Variants in TSPAN3 observed in about 807,000 individuals in gnomAD.
TSPAN3 encodes the protein tetraspanin-3.
In TSPAN3, 9 loss-of-function variants were observed where a neutral mutation model predicts 31.1. The observed-to-expected ratio is 0.29, with a 90% CI of 0.17 to 0.50. TSPAN3 has a LOEUF of 0.50. Ranked by LOEUF, TSPAN3 falls within the 20% of genes least tolerant of loss-of-function variation. The pLI, the probability that TSPAN3 is intolerant of heterozygous loss-of-function variation, is 0.98. For missense variants in TSPAN3, 252 were observed against 313.5 expected, an observed-to-expected ratio of 0.80 and a Z score of 1.48; for synonymous variants, 129 against 114.3, an observed-to-expected ratio of 1.13 and a Z score of -0.82.
chr15:77,054,492 CA>C, intron 3 of TSPAN3: 1 of 358,378 alleles, frequency 2.8e-6, no homozygotes, highest in Non-Finnish European at 5.2e-6. Context: ...AGACATATAC[CA>C]CATACATTCA....
At chr15:77,062,091 T>C (rs1363931605) in intron 1 of TSPAN3, among the ~76,000 whole-genome samples, 3 of 152,230 alleles carry the variant, frequency 2.0e-5, no homozygotes, top group African/African-American at 7.2e-5. Flanking sequence ...ATCCATCTTA[T>C]GCATATATCT....
At position 77,056,093 on chromosome 15, in the gene TSPAN3, T is replaced by C. The variant is rs1417787385; in HGVS notation, c.226A>G (p.Ile76Val). The change falls in exon 2 of 7, where the codon ATC becomes GTC. Residue 76 changes from isoleucine (I) to valine (V), a missense_variant. Transcript: ENST00000267970. ...GCAAGTCCACAGCGACTTTCCCGGA[T>C]TGTGGCACAGCAGCCAATTAGCCCA... is the stretch of plus-strand genomic sequence containing the variant. ...IIGLIGCCATIRESRCGLATF... is the reference protein window; with the variant it reads ...IIGLIGCCATVRESRCGLATF... 1.9e-6 allele frequency: 3 copies of C among 1,611,064 alleles called. No homozygotes were observed. Among genetic ancestry groups the C allele is most frequent in the Non-Finnish European group, 2.5e-6 (3 of 1,178,972 alleles).
intron 1 of TSPAN3, among the ~76,000 whole-genome samples, chr15:77,058,313 C>A (rs1051585051): frequency 1.3e-5 from 2 of 152,174 alleles, no homozygotes; most frequent in Non-Finnish European, 2.9e-5. Flanking sequence ...GATCTCATTA[C>A]CCCTTGTGAA....
intron 1 of TSPAN3, among the ~76,000 whole-genome samples, chr15:77,056,647 CAG>C (rs899659273): frequency 6.6e-6 from 1 of 152,030 alleles, no homozygotes; most frequent in African/African-American, 2.4e-5. Context: ...GTAGAAATGA[CAG>C]AGCTTGGATT....
At chr15:77,055,696 A>G in intron 3 of TSPAN3, 93 bp downstream of exon 3, 1 of 1,004,854 alleles carries the variant, frequency 1.0e-6, no homozygotes, top group Non-Finnish European at 1.5e-6. Flanking sequence ...GCAAAAGAAA[A>G]TGTTTACTCT....
At chr15:77,051,794 G>A (rs2076732919) in intron 6 of TSPAN3, among the ~76,000 whole-genome samples, 1 of 152,100 alleles carries the variant, frequency 6.6e-6, no homozygotes. Context: ...GGAGTTCAAA[G>A]TTACAGTGAG....
In TSPAN3 at chr15:77,052,437, T is replaced by C. The variant is rs2076738293; in HGVS notation, c.617A>G (p.Gln206Arg). 1 of 1,614,174 alleles carries C rather than the reference T, an allele frequency of 6.2e-7. No individual in the cohort carries two copies. Among genetic ancestry groups the C allele is most frequent in the Non-Finnish European group, 8.5e-7 (1 of 1,180,006 alleles). The part of the protein sequence containing the change: ...GCEALVVKKL[Q>R]EIMMHVIWAA... ...CCAGATCACATGCATCATGATTTCT[T>C]GTAGCTTCTTCACTACTAGAGCCTC... is the stretch of plus-strand genomic sequence containing the variant. The change falls in exon 6 of 7, where the codon CAA becomes CGA. Residue 206 changes from glutamine (Q) to arginine (R), a missense_variant. Physicochemically the swap from Gln to Arg is conservative, Grantham distance 43. Coordinates refer to ENST00000267970, the MANE Select transcript of TSPAN3 (RefSeq NM_005724.6).
In TSPAN3 at chr15:77,046,870, A is replaced by C. The variant is rs761757109; in HGVS notation, c.727T>G (p.Tyr243Asp). ...VLCRRSRDPA[Y>D]ELLITGGTYA Reference sequence around the variant, plus strand: ...GTTCCGCCAGTGATGAGGAGCTCGTAAGCAGGATCTCTACTCCTTCTGCAC... The same window carrying C: ...GTTCCGCCAGTGATGAGGAGCTCGTCAGCAGGATCTCTACTCCTTCTGCAC... The change falls in exon 7 of 7, where the codon TAC becomes GAC. Residue 243 changes from tyrosine (Y) to aspartate (D), a missense_variant. Coordinates refer to ENST00000267970, the MANE Select transcript of TSPAN3 (RefSeq NM_005724.6). 6.3e-7 allele frequency: 1 copy of C among 1,594,796 alleles called. No individual in the cohort carries two copies. Among genetic ancestry groups the C allele is most frequent in the Non-Finnish European group, 8.6e-7 (1 of 1,168,238 alleles).
chr15:77,049,582 C>G (rs1568538782), intron 6 of TSPAN3, among the ~76,000 whole-genome samples: 1 of 151,982 alleles, frequency 6.6e-6, no homozygotes, highest in Non-Finnish European at 1.5e-5. Context: ...AGTGAAATAT[C>G]CTGCTAATTA....
intron 6 of TSPAN3, among the ~76,000 whole-genome samples, chr15:77,051,247 G>A (rs1162560527): frequency 1.3e-5 from 2 of 152,052 alleles, no homozygotes; most frequent in Non-Finnish European, 2.9e-5. Context: ...ATAAGCTGAG[G>A]CTGGGCGCGA....
intron 6 of TSPAN3, among the ~76,000 whole-genome samples, chr15:77,047,499 G>A (rs747796650): frequency 6.6e-6 from 1 of 151,916 alleles, no homozygotes; most frequent in Non-Finnish European, 1.5e-5. Flanking sequence ...AACAAATTCT[G>A]ATGCCAAAAA....
intron 1 of TSPAN3, chr15:77,063,331 TAA>T (rs1202337627): frequency 6.6e-6 from 1 of 152,120 alleles, no homozygotes; most frequent in Non-Finnish European, 1.5e-5. Context: ...AATTGGGGTG[TAA>T]AGTTTTATGT....
rs1262896228 is a variant in TSPAN3 at position 77,042,360 on chromosome 15, G to C, written c.*4475C>G. 1.3e-5 allele frequency: 2 copies of C among 152,204 alleles called. No individual in the cohort carries two copies. The highest frequency in any genetic ancestry group is 2.9e-5 in the Non-Finnish European group (2 of 68,034). The allele number at this position is 152,204 out of a possible 1,614,324, so 9.4% of individuals were successfully genotyped here. On this transcript the variant is annotated 3_prime_UTR_variant, in exon 7 of 7. Coordinates refer to ENST00000267970, the MANE Select transcript of TSPAN3 (RefSeq NM_005724.6). ...AATCATCTATAGGACAAGAAGCAAA[G>C]ACACCCCAGCTGCAATAAGCACACC... is the stretch of plus-strand genomic sequence containing the variant.
In TSPAN3 at chr15:77,043,447, T is replaced by A. The variant is rs750600436; in HGVS notation, c.*3388A>T. ...ACGAACATCCCCACTGTGGGGCAGA[T>A]GGGCATTGTGTGCCTCGAGATGCGA... On this transcript the variant is annotated 3_prime_UTR_variant, in exon 7 of 7. Transcript: ENST00000267970. The A allele has an allele frequency of 7.9e-5, 12 of 152,198 alleles. No individual in the cohort carries two copies. The highest frequency in any genetic ancestry group is 1.5e-4 in the Non-Finnish European group (10 of 68,046). 9.4% of individuals were successfully genotyped at this position (152,198 alleles called of 1,614,324 possible).
At chr15:77,053,637 A>G (rs1379292431) in intron 4 of TSPAN3, among the ~76,000 whole-genome samples, 1 of 152,080 alleles carries the variant, frequency 6.6e-6, no homozygotes, top group East Asian at 1.9e-4. Context: ...AAATTTTGAG[A>G]TTTGCTTTAA....
At chr15:77,056,855 T>C (rs1048223138) in intron 1 of TSPAN3, among the ~76,000 whole-genome samples, 4 of 152,210 alleles carry the variant, frequency 2.6e-5, no homozygotes, top group African/African-American at 9.6e-5. Flanking sequence ...ATCAATTCTT[T>C]AGAATGGTGG....
At chr15:77,065,782 A>G (rs991264605) in intron 1 of TSPAN3, among the ~76,000 whole-genome samples, 4 of 152,214 alleles carry the variant, frequency 2.6e-5, no homozygotes, top group African/African-American at 9.6e-5. Context: ...ATATGTGTGA[A>G]GTATTTCATA....
In TSPAN3 at chr15:77,046,469, A is replaced by G. The variant is rs191956344; in HGVS notation, c.*366T>C. ...AAAAACCTTTGGCCAAGAGTTCTCC[A>G]CTGTGAAGACTGAAAGGACCTGGTG... On this transcript the variant is annotated 3_prime_UTR_variant, in exon 7 of 7. Transcript: ENST00000267970. The G allele has an allele frequency of 8.7e-5, 36 of 413,572 alleles. No homozygotes were observed. The highest frequency in any genetic ancestry group is 5.5e-4 in the African/African-American group (27 of 49,064). The allele number at this position is 413,572 out of a possible 1,614,324, so 25.6% of individuals were successfully genotyped here. A position where few individuals can be genotyped will look rare whatever the true frequency, so the allele number is the denominator to read the frequency against.
In TSPAN3 at chr15:77,042,059, A is replaced by T. The variant is rs2076663318; in HGVS notation, c.*4776T>A. The T allele has an allele frequency of 6.6e-6, 1 of 151,624 alleles. No individual in the cohort carries two copies. The highest frequency in any genetic ancestry group is 1.5e-5 in the Non-Finnish European group (1 of 68,038). The allele number at this position is 151,624 out of a possible 1,614,324, so 9.4% of individuals were successfully genotyped here. On this transcript the variant is annotated 3_prime_UTR_variant, in exon 7 of 7. Coordinates refer to ENST00000267970, the MANE Select transcript of TSPAN3 (RefSeq NM_005724.6). ...AACACAATGGAATGACAAATCCTAC[A>T]GTTAGACATGGAAGGAGCATCAGAC...
Sources: gnomAD v4.1 joint callset for allele counts (sites outside exome capture counted in the v4.1 genomes callset) on GRCh38, gnomAD v4.1.1 for gene constraint, MANE v1.5 for transcripts, NCBI Gene and HGNC (gene_info 2026-07-23, HGNC 2026-07-21) for gene names.